The following DMD variants were observed in gnomAD, a reference collection of about 807,000 sequenced individuals.
DMD encodes the protein dystrophin.
In DMD, 63 loss-of-function variants were observed where a neutral mutation model predicts 330.1. The ratio of observed to expected loss-of-function variants is 0.19; its 90% confidence interval spans 0.16 to 0.24. The LOEUF is 0.24. Among genes scored for constraint, DMD ranks in the 10% least tolerant of loss-of-function variants. The pLI is 1.00. For synonymous variants in DMD, 1,223 were observed against 959.8 expected, an observed-to-expected ratio of 1.27 and a Z score of -5.07; for missense variants, 3,344 against 2,684.1, an observed-to-expected ratio of 1.25 and a Z score of -5.43.
intron 61 of DMD, among the ~76,000 whole-genome samples, chrX:31,326,332 AAAT>A (rs753600809): frequency 3.6e-4 from 40 of 111,628 alleles, no homozygotes; most frequent in African/African-American, 1.3e-3. Flanking sequence ...AGAATTTTAA[AAAT>A]ATTATAAATT....
chrX:32,364,889 T>C, intron 35 of DMD, 131 bp downstream of exon 35: 3 of 767,641 alleles, frequency 3.9e-6, no homozygotes, highest in Non-Finnish European at 5.7e-6. Flanking sequence ...AATATTGTTA[T>C]AGATATTGAA....
intron 7 of DMD, among the ~76,000 whole-genome samples, chrX:32,735,985 C>T (rs1466063696): frequency 9.0e-6 from 1 of 111,300 alleles, no homozygotes; most frequent in Non-Finnish European, 1.9e-5. Flanking sequence ...AGGCAACCTA[C>T]AAAATGGGAG....
chrX:32,501,887 G>C, intron 18 of DMD, 45 bp from the exon 19 acceptor site: 1 of 950,454 alleles, frequency 1.1e-6, no homozygotes. Context: ...CAAGGACTGT[G>C]AATCTACACA....
At chrX:32,407,898 T>A (rs1431293103) in intron 30 of DMD, among the ~76,000 whole-genome samples, 2 of 97,657 alleles carry the variant, frequency 2.0e-5, no homozygotes, top group African/African-American at 3.9e-5. Context: ...CCGCATGTTC[T>A]CACTCATAGG....
chrX:32,480,534 A>G (rs1048776426), intron 21 of DMD, among the ~76,000 whole-genome samples: 1 of 111,385 alleles, frequency 9.0e-6, no homozygotes, highest in African/African-American at 3.3e-5. Context: ...GTATATACAC[A>G]GTATGTGTCT....
At chrX:31,215,066 C>A (rs2045259622) in intron 64 of DMD, among the ~76,000 whole-genome samples, 1 of 103,470 alleles carries the variant, frequency 9.7e-6, no homozygotes, top group African/African-American at 3.5e-5. Flanking sequence ...CTCAGACTCC[C>A]GAGTAGCTGG....
chrX:31,236,825 TTAAGA>T (rs2047774357), intron 63 of DMD, among the ~76,000 whole-genome samples: 1 of 112,261 alleles, frequency 8.9e-6, no homozygotes, highest in African/African-American at 3.2e-5. Context: ...TTTATAGCTC[TTAAGA>T]TAAATGTTAT....
intron 56 of DMD, among the ~76,000 whole-genome samples, 186 bp from the exon 57 acceptor site, chrX:31,497,130 C>T (rs1375735692): frequency 5.3e-5 from 6 of 112,379 alleles, no homozygotes; most frequent in Non-Finnish European, 1.1e-4. Context: ...TGAGAAAAGG[C>T]AGTGTTTAGC....
intron 4 of DMD, among the ~76,000 whole-genome samples, chrX:32,828,451 T>TACACACAC (rs566508820): frequency 4.8e-5 from 5 of 105,046 alleles, no homozygotes; most frequent in African/African-American, 1.7e-4. Context: ...AGTGTGTGTA[T>TACACACAC]ACACACACAC....
chrX:32,306,046 GTT>G (rs369351099), intron 42 of DMD, among the ~76,000 whole-genome samples: 3 of 99,436 alleles, frequency 3.0e-5, no homozygotes, highest in Non-Finnish European at 4.1e-5. Flanking sequence ...ACAGATTCTG[GTT>G]TTTTTTTTTT....
intron 44 of DMD, among the ~76,000 whole-genome samples, chrX:32,200,247 A>G (rs1400302165): frequency 9.0e-6 from 1 of 111,425 alleles, no homozygotes; most frequent in African/African-American, 3.3e-5. Flanking sequence ...ATCAGTTTTT[A>G]TAATAAGCAT....
chrX:31,401,945 C>A (rs773360150), intron 60 of DMD, among the ~76,000 whole-genome samples: 5 of 111,381 alleles, frequency 4.5e-5, no homozygotes, highest in Non-Finnish European at 9.4e-5. Context: ...TCTTATGGGC[C>A]AGACACTGCG....
At chrX:33,322,641 T>A (rs748736171) in intron 1 of DMD, among the ~76,000 whole-genome samples, 2 of 111,645 alleles carry the variant, frequency 1.8e-5, no homozygotes, top group Non-Finnish European at 3.8e-5. Context: ...AAGTGAATGA[T>A]ATTTGAACTG....
At chrX:31,844,549 A>C (rs2093378284) in intron 48 of DMD, among the ~76,000 whole-genome samples, 1 of 111,715 alleles carries the variant, frequency 9.0e-6, no homozygotes. Context: ...ATAGTTTTTT[A>C]TAATTCTGTG....
intron 43 of DMD, among the ~76,000 whole-genome samples, chrX:32,278,085 GGGA>G (rs1366601925): frequency 9.0e-6 from 1 of 111,178 alleles, no homozygotes; most frequent in Non-Finnish European, 1.9e-5. Context: ...GAAGAAAAAA[GGGA>G]GAAGACCCAA....
intron 49 of DMD, among the ~76,000 whole-genome samples, chrX:31,826,113 G>C (rs2092889875): frequency 8.9e-6 from 1 of 111,940 alleles, no homozygotes; most frequent in African/African-American, 3.2e-5. Flanking sequence ...TAACATGTTT[G>C]TACATGCAAT....
intron 4 of DMD, among the ~76,000 whole-genome samples, chrX:32,836,001 G>C (rs2079583178): frequency 9.1e-6 from 1 of 109,524 alleles, no homozygotes; most frequent in African/African-American, 3.3e-5. Flanking sequence ...CAATTTCTTG[G>C]TGTGTGGACA....
At chrX:33,018,108 T>C (rs2093839223) in intron 2 of DMD, among the ~76,000 whole-genome samples, 1 of 111,788 alleles carries the variant, frequency 8.9e-6, no homozygotes, top group Admixed American at 9.6e-5. Context: ...TTCTCAAAAT[T>C]AGAAGTTAGT....
chrX:32,814,156 T>C (rs1233053482), intron 6 of DMD, among the ~76,000 whole-genome samples: 1 of 112,159 alleles, frequency 8.9e-6, no homozygotes, highest in Non-Finnish European at 1.9e-5. Flanking sequence ...CATTTGCTTC[T>C]AATTTGCTGT....
Sources: allele counts gnomAD v4.1 joint callset (sites outside exome capture counted in the v4.1 genomes callset), GRCh38; gene constraint gnomAD v4.1.1; transcripts MANE v1.5; gene names NCBI Gene and HGNC (gene_info 2026-07-23, HGNC 2026-07-21).